HSPG2: variants seen among roughly 807,000 people sequenced by gnomAD.
HSPG2 encodes the protein heparan sulfate proteoglycan 2.
In HSPG2, 278 loss-of-function variants were observed where a neutral mutation model predicts 526.6. The ratio of observed to expected loss-of-function variants is 0.53; its 90% CI spans 0.48 to 0.58. HSPG2 has a LOEUF of 0.58. Ranked by LOEUF, HSPG2 falls within the 20% of genes least tolerant of loss-of-function variation. HSPG2 has a pLI of 0.00. For synonymous variants in HSPG2, 2,465 were observed against 2,555.4 expected, an observed-to-expected ratio of 0.96 and a Z score of 1.07; for missense variants, 5,354 against 6,099.5, an observed-to-expected ratio of 0.88 and a Z score of 4.07.
chr1:21,865,161 C>T lies in HSPG2; in HGVS notation c.4396-88G>A. Reference sequence around the variant, plus strand: ...CACCCCCCAAATCCTGCCTTACAGGCACTGACTGAGGGCTGCCAGGTGAAG... The same window carrying T: ...CACCCCCCAAATCCTGCCTTACAGGTACTGACTGAGGGCTGCCAGGTGAAG... On this transcript the variant is annotated intron_variant, in intron 35 of 96. Coordinates refer to ENST00000374695, the MANE Select transcript of HSPG2 (RefSeq NM_005529.7). This position sits in a 1 kb window ranked among gnomAD's most constrained non-coding sequence, Gnocchi z 5.4. 1 of 1,527,664 alleles carries T rather than the reference C, an allele frequency of 6.5e-7. No individual in the cohort carries two copies. The allele number at this position is 1,527,664 out of a possible 1,614,324, so 94.6% of individuals were successfully genotyped here. A position where few individuals can be genotyped will look rare whatever the true frequency, so the allele number is the denominator to read the frequency against.
At chr1:21,823,772 GC>G in intron 95 of HSPG2, 53 bp from the exon 96 acceptor site, 1 of 1,398,582 alleles carries the variant, frequency 7.2e-7, no homozygotes, top group Non-Finnish European at 1.0e-6. Context: ...GTCCTCCCCG[GC>G]CCCACGACAG....
In HSPG2 at chr1:21,859,837, T is replaced by C. The variant is rs1364826161; in HGVS notation, c.5180A>G (p.Gln1727Arg). The change falls in exon 41 of 97, where the codon CAA becomes CGA. Residue 1727 changes from glutamine (Q) to arginine (R), a missense_variant and splice_region_variant. Coordinates refer to ENST00000374695, the MANE Select transcript of HSPG2 (RefSeq NM_005529.7). This position sits in a 1 kb window ranked among gnomAD's most constrained non-coding sequence, Gnocchi z 5.3. ...GAGGAGCCTAGGGCCATGGGTACCT[T>C]GATGTCGCTGCTGGGTGCCGCTGGG... Reference protein sequence around the residue: ...PVPSGTQQRHQGSELHFPSVQ... With the variant: ...PVPSGTQQRHRGSELHFPSVQ... 3 of 1,611,222 alleles carry C rather than the reference T, an allele frequency of 1.9e-6. No individual in the cohort carries two copies. The highest frequency in any genetic ancestry group is 1.7e-5 in the Admixed American group (1 of 59,794).
At chr1:21,936,568 T>A (rs570563803) in intron 1 of HSPG2, among the ~76,000 whole-genome samples, 1 of 152,176 alleles carries the variant, frequency 6.6e-6, no homozygotes, top group African/African-American at 2.4e-5. Context: ...GGTCACACAG[T>A]TACTCAGTGA....
chr1:21,844,897 GC>G (rs1246279468), intron 64 of HSPG2, among the ~76,000 whole-genome samples: 2 of 152,174 alleles, frequency 1.3e-5, no homozygotes, highest in Admixed American at 1.3e-4. Flanking sequence ...CATAGCATGT[GC>G]CCCCTGTGCT....
chr1:21,894,315 GA>G (rs1642591641), intron 3 of HSPG2, among the ~76,000 whole-genome samples: 1 of 152,030 alleles, frequency 6.6e-6, no homozygotes, highest in Non-Finnish European at 1.5e-5. Flanking sequence ...ATGGCCCCAT[GA>G]CAGGCAGGAT....
At position 21,839,078 on chromosome 1, in the gene HSPG2, T is replaced by A; in HGVS notation, c.9897A>T (p.Pro3299=). Residue 3299 remains proline (P), a synonymous_variant, in exon 74 of 97, where the codon CCA becomes CCT. Coordinates refer to ENST00000374695, the MANE Select transcript of HSPG2 (RefSeq NM_005529.7). This position sits in a 1 kb window ranked among gnomAD's most constrained non-coding sequence, Gnocchi z 4.5. ...CGTGCTCTGGGACCGTGGTGGCATA[T>A]GGTGGGCCTGAGTGGGGGGACACAG... ...ATIILHVESP[P]YATTVPEHAS... 6.3e-7 allele frequency: 1 copy of A among 1,581,948 alleles called. No individual in the cohort carries two copies. The highest frequency in any genetic ancestry group is 2.3e-5 in the East Asian group (1 of 44,294).
In HSPG2 at chr1:21,851,610, G is replaced by A; in HGVS notation, c.7094C>T (p.Pro2365Leu). 1.2e-6 allele frequency: 2 copies of A among 1,613,980 alleles called. No homozygotes were observed. The highest frequency in any genetic ancestry group is 1.7e-6 in the Non-Finnish European group (2 of 1,180,036). ...CGTGACCTGGGCATGGGACTGCCCGGGCACCACGCAGTTCAGATCCAGGGT... is the reference window on the plus strand; with the variant it reads ...CGTGACCTGGGCATGGGACTGCCCGAGCACCACGCAGTTCAGATCCAGGGT... ...GQTLDLNCVV[P>L]GQSHAQVTWH... is the part of the protein sequence containing the mutation. Residue 2365 changes from proline to leucine, a missense_variant, in exon 55 of 97, where the codon CCC becomes CTC. Coordinates refer to ENST00000374695, the MANE Select transcript of HSPG2 (RefSeq NM_005529.7).
chr1:21,879,149 A>G (rs546734351), intron 17 of HSPG2, 28 bp from the exon 18 acceptor site: 2 of 1,614,046 alleles, frequency 1.2e-6, no homozygotes, highest in South Asian at 1.1e-5. Flanking sequence ...GTATGGCTCA[A>G]CTTCTAGAGC....
rs1230830062 is a variant in HSPG2, at chr1:21,865,380, G to A, written c.4315-15C>T. 3 of 1,613,614 alleles carry A rather than the reference G, an allele frequency of 1.9e-6. No homozygotes were observed. The highest frequency in any genetic ancestry group is 2.5e-6 in the Non-Finnish European group (3 of 1,179,748). On this transcript the variant is annotated splice_polypyrimidine_tract_variant and intron_variant, in intron 34 of 96. Coordinates refer to ENST00000374695, the MANE Select transcript of HSPG2 (RefSeq NM_005529.7). This position sits in a 1 kb window ranked among gnomAD's most constrained non-coding sequence, Gnocchi z 5.4. Reference sequence around the variant, plus strand: ...ATGTTGTTGCCCTGGAAAGACACCAGCAGGATTGGAAGGGGAGCCGAGGGG... The same window carrying A: ...ATGTTGTTGCCCTGGAAAGACACCAACAGGATTGGAAGGGGAGCCGAGGGG...
In HSPG2 at chr1:21,847,442, G is replaced by A. The variant is rs372321167; in HGVS notation, c.8076C>T (p.Gly2692=). Residue 2692 remains glycine, a synonymous_variant, in exon 62 of 97, where the codon GGC becomes GGT. Transcript: ENST00000374695. The surrounding 1 kb of genome is among the most constrained non-coding windows in gnomAD (Gnocchi z 4.1). The part of the protein sequence containing the change: ...RLHQMSVADS[G]EYVCRANNNI... The stretch of plus-strand genomic sequence containing the variant: ...TGTTGTTGGCCCGGCACACATACTC[G>A]CCCGAGTCAGCCACAGACATTTGGT... 2.5e-5 allele frequency: 40 copies of A among 1,613,886 alleles called. 1 individual carries two copies. The African/African-American group carries it at 3.3e-4, about 13-fold the overall frequency.
At chr1:21,863,777 C>T (rs1250809379) in intron 37 of HSPG2, among the ~76,000 whole-genome samples, 2 of 151,672 alleles carry the variant, frequency 1.3e-5, no homozygotes, top group Non-Finnish European at 2.9e-5. Context: ...GAGGCCGAGG[C>T]GGGTGGGTTG....
rs943665149 is a variant in HSPG2 at position 21,847,614 on chromosome 1, G to C, written c.8025+75C>G. ...TATCGGTCTACCCAGGGCCCAATCC[G>C]TGAGACAGGGAGCCTGCTCTGCTCA... is the stretch of plus-strand genomic sequence containing the variant. On this transcript the variant is annotated intron_variant, in intron 61 of 96. Transcript: ENST00000374695. The surrounding 1 kb of genome is among the most constrained non-coding windows in gnomAD (Gnocchi z 4.1). The C allele has an allele frequency of 1.2e-6, 2 of 1,604,910 alleles. No individual in the cohort carries two copies. The highest frequency in any genetic ancestry group is 2.7e-5 in the African/African-American group (2 of 74,726).
chr1:21,924,248 C>T (rs931636472), intron 1 of HSPG2, among the ~76,000 whole-genome samples: 1 of 152,194 alleles, frequency 6.6e-6, no homozygotes, highest in Non-Finnish European at 1.5e-5. Flanking sequence ...CTGCCTCCAG[C>T]GTCACCAGAC....
chr1:21,888,562 T>G (rs969947404), intron 6 of HSPG2: 42 of 752,048 alleles, frequency 5.6e-5, no homozygotes, highest in Middle Eastern at 6.0e-4. Context: ...CGTCTTGGCC[T>G]CCCAAAGTGC....
rs1306012860 is a variant in HSPG2 at position 21,831,106 on chromosome 1, C to T, written c.11563-16G>A. On this transcript the variant is annotated splice_polypyrimidine_tract_variant and intron_variant, in intron 84 of 96. Coordinates refer to ENST00000374695, the MANE Select transcript of HSPG2 (RefSeq NM_005529.7). ...GACCGCCATTCTGCAAAGCAGCCCC[C>T]AGAAGTAAGGCCGAGAACATTCAGT... 6.2e-7 allele frequency: 1 copy of T among 1,609,100 alleles called. No homozygotes were observed. The highest frequency in any genetic ancestry group is 8.5e-7 in the Non-Finnish European group (1 of 1,177,054).
At chr1:21,928,102 T>G (rs1644252811) in intron 1 of HSPG2, among the ~76,000 whole-genome samples, 1 of 152,230 alleles carries the variant, frequency 6.6e-6, no homozygotes, top group African/African-American at 2.4e-5. Context: ...CACATTTGAC[T>G]GAGGCTCAGA....
At position 21,874,506 on chromosome 1, in the gene HSPG2, G is replaced by T. The variant is rs113743582; in HGVS notation, c.3556C>A (p.Arg1186=). The T allele has an allele frequency of 6.2e-7, 1 of 1,613,380 alleles. No individual in the cohort carries two copies. Among genetic ancestry groups the T allele is most frequent in the Non-Finnish European group, 8.5e-7 (1 of 1,179,964 alleles). Residue 1186 remains arginine (R), a synonymous_variant, in exon 28 of 97, where the codon CGG becomes AGG. Transcript: ENST00000374695. ...QGCQHHTEGP[R]CEQCQPGYYG... ...TATCCTGGCTGGCACTGCTCACACC[G>T]AGGGCCCTCCGTGTGATGCTGGCAG...
chr1:21,833,058 A>G (rs891032244), intron 80 of HSPG2: 2 of 632,046 alleles, frequency 3.2e-6, no homozygotes, highest in Non-Finnish European at 5.7e-6. Context: ...GAGGCTGGAG[A>G]TATCACAGAG....
In HSPG2 at chr1:21,847,428, C is replaced by CG; in HGVS notation, c.8089dup (p.Arg2697ProfsTer20). ...CAGGGCATCGATGTTGTTGTTGGCCCGGCACACATACTCGCCCGAGTCAGC... is the reference window on the plus strand; with the variant it reads ...CAGGGCATCGATGTTGTTGTTGGCCCGGGCACACATACTCGCCCGAGTCAGC... On this transcript the variant is annotated frameshift_variant, in exon 62 of 97. Coordinates refer to ENST00000374695, the MANE Select transcript of HSPG2 (RefSeq NM_005529.7). LOFTEE classifies it high-confidence loss of function. This position sits in a 1 kb window ranked among gnomAD's most constrained non-coding sequence, Gnocchi z 4.1. The CG allele has an allele frequency of 5.0e-6, 8 of 1,613,918 alleles. No homozygotes were observed. The highest frequency in any genetic ancestry group is 6.8e-6 in the Non-Finnish European group (8 of 1,180,030).
Sources: gnomAD v4.1 joint callset for allele counts (sites outside exome capture counted in the v4.1 genomes callset) on GRCh38, gnomAD v4.1.1 for gene constraint, Gnocchi (gnomAD v3.1) non-coding constraint, MANE v1.5 for transcripts, NCBI Gene and HGNC (gene_info 2026-07-23, HGNC 2026-07-21) for gene names.